Variants in TMEM117 observed in about 807,000 individuals in gnomAD.
TMEM117 encodes the protein transmembrane protein 117.
A neutral mutation model predicts 52.4 loss-of-function variants in TMEM117; 27 were observed. The ratio of observed to expected loss-of-function variants is 0.51; its 90% CI spans 0.38 to 0.71. The LOEUF (loss-of-function observed/expected upper bound fraction) is 0.71. Among genes scored for constraint, TMEM117 ranks in the 30% least tolerant of loss-of-function variants. The probability of loss-of-function intolerance (pLI) is 0.00; values close to 1 mark genes in which losing one functional copy is unlikely to be tolerated. For missense variants in TMEM117, 556 were observed against 630.5 expected, an observed-to-expected ratio of 0.88 and a Z score of 1.26; for synonymous variants, 215 against 206.3, an observed-to-expected ratio of 1.04 and a Z score of -0.36.
At chr12:43,906,765 C>T (rs148392406) in intron 2 of TMEM117, among the ~76,000 whole-genome samples, 3 of 149,828 alleles carry the variant, frequency 2.0e-5, no homozygotes, top group African/African-American at 7.4e-5. Context: ...GTCACTCCCA[C>T]TGGAATACTG....
At chr12:43,960,648 A>G (rs531002481) in intron 3 of TMEM117, among the ~76,000 whole-genome samples, 2 of 152,120 alleles carry the variant, frequency 1.3e-5, no homozygotes, top group Non-Finnish European at 2.9e-5. Context: ...ATCGTTATTC[A>G]TGGTTGTTTA....
At chr12:43,848,026 A>G (rs1044442136) in intron 2 of TMEM117, among the ~76,000 whole-genome samples, 1 of 152,154 alleles carries the variant, frequency 6.6e-6, no homozygotes, top group Non-Finnish European at 1.5e-5. Context: ...GCGGGGGTGT[A>G]AGAACAGAGA....
intron 3 of TMEM117, among the ~76,000 whole-genome samples, chr12:43,983,483 A>G (rs1051243263): frequency 3.3e-5 from 5 of 149,608 alleles, no homozygotes; most frequent in African/African-American, 9.8e-5. Flanking sequence ...AGGTTGGTGC[A>G]AAAGTAATTG....
At chr12:44,092,103 A>T (rs1947683399) in intron 3 of TMEM117, among the ~76,000 whole-genome samples, 1 of 152,226 alleles carries the variant, frequency 6.6e-6, no homozygotes, top group Non-Finnish European at 1.5e-5. Flanking sequence ...TTCACTGGTA[A>T]CAAAGAATGG....
At chr12:43,863,233 G>A (rs559333492) in intron 2 of TMEM117, among the ~76,000 whole-genome samples, 11 of 151,280 alleles carry the variant, frequency 7.3e-5, no homozygotes, top group Non-Finnish European at 1.5e-4. Flanking sequence ...GCAACAAAGC[G>A]AAACTCTGTC....
chr12:44,253,847 C>CACACAA (rs1437695943), intron 5 of TMEM117, among the ~76,000 whole-genome samples: 5 of 149,236 alleles, frequency 3.4e-5, no homozygotes, highest in Non-Finnish European at 7.5e-5. Context: ...CACACACACA[C>CACACAA]ACACACACAC....
chr12:43,940,607 T>C (rs981002386), intron 2 of TMEM117, among the ~76,000 whole-genome samples: 1 of 152,094 alleles, frequency 6.6e-6, no homozygotes, highest in African/African-American at 2.4e-5. Context: ...AATGGTGTGA[T>C]CTTGGCTCAC....
chr12:44,148,712 G>A (rs990201738), intron 4 of TMEM117, among the ~76,000 whole-genome samples: 4 of 152,102 alleles, frequency 2.6e-5, no homozygotes, highest in Non-Finnish European at 5.9e-5. Context: ...AGCTTCTTGA[G>A]GGGAGTTACA....
At chr12:43,823,907 C>G in the TMEM117 span, among the ~76,000 whole-genome samples, 1 of 152,042 alleles carries the variant, frequency 6.6e-6, no homozygotes, top group Admixed American at 6.6e-5. Flanking sequence ...TTCCTTTTTA[C>G]TGTAGATAAG....
chr12:43,935,654 G>T (rs985674401), intron 2 of TMEM117, among the ~76,000 whole-genome samples: 3 of 152,184 alleles, frequency 2.0e-5, no homozygotes, highest in African/African-American at 7.2e-5. Context: ...AATTGGTCTG[G>T]ATCTTAAAAG....
upstream of TMEM117, among the ~76,000 whole-genome samples, chr12:43,834,798 A>G (rs1943004798): frequency 6.6e-6 from 1 of 152,184 alleles, no homozygotes; most frequent in Admixed American, 6.5e-5. Context: ...ATATATCCAT[A>G]TATACGTGGT....
intron 2 of TMEM117, among the ~76,000 whole-genome samples, chr12:43,930,253 G>A (rs937205290): frequency 1.3e-5 from 2 of 152,130 alleles, no homozygotes; most frequent in Admixed American, 6.6e-5. Flanking sequence ...CTTATCAGCA[G>A]TTCTATGCTT....
chr12:44,156,624 G>A (rs550314312), intron 4 of TMEM117, among the ~76,000 whole-genome samples: 1 of 152,186 alleles, frequency 6.6e-6, no homozygotes, highest in South Asian at 2.1e-4. Flanking sequence ...GTTCCAGGAA[G>A]TTTGGCATGG....
At chr12:43,812,205 T>C in the TMEM117 span, among the ~76,000 whole-genome samples, 1 of 152,262 alleles carries the variant, frequency 6.6e-6, no homozygotes, top group Non-Finnish European at 1.5e-5. Context: ...TTCTACTTCA[T>C]TCTTTGTTAC....
intron 3 of TMEM117, among the ~76,000 whole-genome samples, chr12:44,006,366 G>A (rs966250010): frequency 2.6e-5 from 4 of 152,186 alleles, no homozygotes; most frequent in Non-Finnish European, 5.9e-5. Context: ...CTTGACAGAA[G>A]ACATTGTGGT....
chr12:44,396,378 A>G, the TMEM117 span, among the ~76,000 whole-genome samples: 1 of 152,040 alleles, frequency 6.6e-6, no homozygotes, highest in Non-Finnish European at 1.5e-5. Flanking sequence ...CTATTATAGT[A>G]TCTTTAGCAT....
chr12:44,288,980 A>G (rs1381420414), intron 5 of TMEM117, among the ~76,000 whole-genome samples: 4 of 152,142 alleles, frequency 2.6e-5, no homozygotes, highest in East Asian at 1.9e-4. Flanking sequence ...ATTCACTTAT[A>G]ACTGAAAGTT....
intron 5 of TMEM117, among the ~76,000 whole-genome samples, chr12:44,243,011 T>C (rs1053318875): frequency 1.3e-5 from 2 of 152,004 alleles, no homozygotes; most frequent in Non-Finnish European, 2.9e-5. Flanking sequence ...ATCACTGATA[T>C]TGAGCATTTT....
intron 5 of TMEM117, among the ~76,000 whole-genome samples, chr12:44,294,947 ATT>A: frequency 6.6e-6 from 1 of 152,222 alleles, no homozygotes; most frequent in African/African-American, 2.4e-5. Flanking sequence ...AAATGAAAGC[ATT>A]GAAAGTGAAA....
Sources: allele counts gnomAD v4.1 joint callset (sites outside exome capture counted in the v4.1 genomes callset), GRCh38; gene constraint gnomAD v4.1.1; transcripts MANE v1.5; gene names NCBI Gene and HGNC (gene_info 2026-07-23, HGNC 2026-07-21).